The following BABAM2 variants were observed in gnomAD, a reference collection of about 807,000 sequenced individuals.
The protein encoded by BABAM2 is BRISC and BRCA1 A complex member 2.
Under a neutral mutation model 54.7 loss-of-function variants are expected in BABAM2, and 31 were observed. The observed-to-expected ratio is 0.57, with a 90% CI of 0.43 to 0.77. The LOEUF (loss-of-function observed/expected upper bound fraction) is 0.77, where lower values mean the gene tolerates loss of function less well. Ranked by LOEUF, BABAM2 falls within the 30% of genes least tolerant of loss-of-function variation. The pLI is 0.00. For synonymous variants in BABAM2, 167 were observed against 162.9 expected, an observed-to-expected ratio of 1.03 and a Z score of -0.19; for missense variants, 364 against 455.8, an observed-to-expected ratio of 0.80 and a Z score of 1.83.
chr2:28,087,798 G>A (rs1274797864), intron 6 of BABAM2, among the ~76,000 whole-genome samples: 7 of 151,964 alleles, frequency 4.6e-5, no homozygotes, highest in South Asian at 2.1e-4. Context: ...ACAGGCGTGC[G>A]CCACTATGCC....
chr2:28,012,017 C>T (rs1035928059), intron 4 of BABAM2, among the ~76,000 whole-genome samples: 1 of 152,146 alleles, frequency 6.6e-6, no homozygotes, highest in Non-Finnish European at 1.5e-5. Flanking sequence ...TTCCTGAAGA[C>T]ATTTTCTAAT....
chr2:28,130,122 CAG>C (rs1669896626), intron 7 of BABAM2, among the ~76,000 whole-genome samples: 1 of 152,120 alleles, frequency 6.6e-6, no homozygotes, highest in South Asian at 2.1e-4. Context: ...TTTTCATCAG[CAG>C]AGAGAGTTTT....
At chr2:28,125,341 T>C (rs202088900) in intron 6 of BABAM2, among the ~76,000 whole-genome samples, 1 of 152,292 alleles carries the variant, frequency 6.6e-6, no homozygotes, top group East Asian at 1.9e-4. Flanking sequence ...TCAGCCAGGC[T>C]GGAGTGCAGT....
intron 6 of BABAM2, among the ~76,000 whole-genome samples, chr2:28,064,997 T>C (rs1263911697): frequency 2.7e-5 from 4 of 146,266 alleles, no homozygotes; most frequent in Non-Finnish European, 4.5e-5. Context: ...AGTGAGACTC[T>C]ATCTCAAAAA....
At chr2:28,219,605 G>A (rs531005953) in intron 7 of BABAM2, among the ~76,000 whole-genome samples, 14 of 151,896 alleles carry the variant, frequency 9.2e-5, no homozygotes, top group Admixed American at 3.3e-4. Flanking sequence ...TACCACAAAT[G>A]CCTACCTGTG....
At chr2:28,104,958 A>G (rs996056233) in intron 6 of BABAM2, among the ~76,000 whole-genome samples, 15 of 145,580 alleles carry the variant, frequency 1.0e-4, no homozygotes, top group African/African-American at 3.5e-4. Flanking sequence ...CAAACACTGC[A>G]TGTTCTCACT....
chr2:28,019,732 A>G lies in BABAM2; in HGVS notation c.301-5494A>G, dbSNP rs531709751. 5.4e-4 allele frequency among the ~76,000 whole-genome samples: 82 copies of G among 152,264 alleles called. 2 individuals are homozygous for G. In the South Asian group the frequency reaches 0.017, roughly 31 times the overall value. ...CAGGTGGCTTGCCAGTTATTTCAGC[A>G]CCATTTGTTGAATAGGGTGTCCTTT... On this transcript the variant is annotated intron_variant, in intron 4 of 11. Coordinates refer to ENST00000379624, the MANE Select transcript of BABAM2 (RefSeq NM_199191.3).
intron 6 of BABAM2, among the ~76,000 whole-genome samples, chr2:28,063,846 A>G (rs1284892735): frequency 6.6e-6 from 1 of 152,194 alleles, no homozygotes; most frequent in Non-Finnish European, 1.5e-5. Context: ...CTCATCCAGT[A>G]AGCCAGTAAG....
Position 28,304,584 on chromosome 2 carries a change from T to TA in BABAM2, c.1088+6093_1088+6094insA, listed in dbSNP as rs1197213986. Among the ~76,000 whole-genome samples the TA allele has an allele frequency of 1.3e-5, 2 of 151,936 alleles. No individual in the cohort carries two copies. The highest frequency in any genetic ancestry group is 2.9e-5 in the Non-Finnish European group (2 of 67,994). On this transcript the variant is annotated intron_variant, in intron 11 of 11. Coordinates refer to ENST00000379624, the MANE Select transcript of BABAM2 (RefSeq NM_199191.3). The surrounding 1 kb of genome is among the most constrained non-coding windows in gnomAD (Gnocchi z 4.0). ...AATAGATTTCTTATAATTTCTTTTT[T>TA]CTTTTTTTTGGAGATGGAGTCTCAC...
intron 11 of BABAM2, chr2:28,308,864 C>G (rs113736842): frequency 0.012 from 1,853 of 156,258 alleles, 11 homozygotes; most frequent in Middle Eastern, 0.025. Flanking sequence ...TTCCCTGGGT[C>G]TTTGTTTCCT....
intron 10 of BABAM2, among the ~76,000 whole-genome samples, chr2:28,273,391 G>A (rs1449433070): frequency 6.6e-6 from 1 of 152,138 alleles, no homozygotes; most frequent in Non-Finnish European, 1.5e-5. Flanking sequence ...AAGGGGTTAG[G>A]GAGGATTGGT....
Position 28,316,059 on chromosome 2 carries a change from A to G in BABAM2, c.1088+17568A>G, listed in dbSNP as rs555037032. Among the ~76,000 whole-genome samples the G allele has an allele frequency of 2.6e-5, 4 of 152,318 alleles. No homozygotes were observed. In the South Asian group the frequency reaches 8.3e-4, roughly 32 times the overall value. On this transcript the variant is annotated intron_variant, in intron 11 of 11. Coordinates refer to ENST00000379624, the MANE Select transcript of BABAM2 (RefSeq NM_199191.3). Reference sequence around the variant, plus strand: ...CAGATTTAGCAATTAAAAATGCAACATGTCCAGTTACACTTAAATTTCAAA... The same window carrying G: ...CAGATTTAGCAATTAAAAATGCAACGTGTCCAGTTACACTTAAATTTCAAA...
intron 5 of BABAM2, among the ~76,000 whole-genome samples, chr2:28,041,010 T>C (rs1417481971): frequency 1.3e-5 from 2 of 152,208 alleles, no homozygotes; most frequent in African/African-American, 4.8e-5. Flanking sequence ...AAAAATACAT[T>C]GTACAAGCTA....
At chr2:28,069,331 G>C (rs1229821168) in intron 6 of BABAM2, among the ~76,000 whole-genome samples, 3 of 152,134 alleles carry the variant, frequency 2.0e-5, no homozygotes, top group Non-Finnish European at 2.9e-5. Context: ...ATAAATATTT[G>C]TTGAGTACCT....
intron 2 of BABAM2, among the ~76,000 whole-genome samples, chr2:27,927,096 T>A (rs1667760881): frequency 6.6e-6 from 1 of 152,204 alleles, no homozygotes; most frequent in South Asian, 2.1e-4. Flanking sequence ...CTTAGAAATG[T>A]ACCTTTTAAT....
intron 10 of BABAM2, among the ~76,000 whole-genome samples, chr2:28,286,196 C>T (rs1449193077): frequency 6.6e-6 from 1 of 152,036 alleles, no homozygotes; most frequent in Non-Finnish European, 1.5e-5. Flanking sequence ...CCTCGTGATC[C>T]ACCCATCTCG....
chr2:28,068,162 ATTAC>A (rs951864814), intron 6 of BABAM2, among the ~76,000 whole-genome samples: 2 of 152,208 alleles, frequency 1.3e-5, no homozygotes, highest in Non-Finnish European at 2.9e-5. Flanking sequence ...GTACATATAT[ATTAC>A]TTAGTATGAT....
chr2:28,085,004 C>T (rs1323641595), intron 6 of BABAM2, among the ~76,000 whole-genome samples: 1 of 152,122 alleles, frequency 6.6e-6, no homozygotes, highest in Non-Finnish European at 1.5e-5. Flanking sequence ...AAGAAGACAG[C>T]TCTTACAGAA....
intron 6 of BABAM2, among the ~76,000 whole-genome samples, chr2:28,080,082 C>T (rs924519824): frequency 6.6e-6 from 1 of 152,096 alleles, no homozygotes; most frequent in South Asian, 2.1e-4. Flanking sequence ...GCCACTCCTT[C>T]TATACAAAGA....
Sources: allele counts gnomAD v4.1 joint callset (sites outside exome capture counted in the v4.1 genomes callset), GRCh38; gene constraint gnomAD v4.1.1; non-coding constraint Gnocchi (gnomAD v3.1); transcripts MANE v1.5; gene names NCBI Gene and HGNC (gene_info 2026-07-23, HGNC 2026-07-21).